Variants in PPP3CB observed in about 807,000 individuals in gnomAD.
PPP3CB encodes serine/threonine-protein phosphatase 2B catalytic subunit beta isoform.
A neutral mutation model predicts 66.4 loss-of-function variants in PPP3CB; 8 were observed. That is an observed-to-expected ratio of 0.12 (90% confidence interval 0.07 to 0.22). The LOEUF (loss-of-function observed/expected upper bound fraction) is 0.22. PPP3CB is among the 10% of genes least tolerant of loss of function. The probability of loss-of-function intolerance (pLI) is 1.00; values close to 1 mark genes in which losing one functional copy is unlikely to be tolerated. For missense variants in PPP3CB, 319 were observed against 642.5 expected, an observed-to-expected ratio of 0.50 and a Z score of 5.44; for synonymous variants, 208 against 221.2, an observed-to-expected ratio of 0.94 and a Z score of 0.53.
In PPP3CB at chr10:73,479,367, G is replaced by A. The variant is rs1012003058; in HGVS notation, c.236C>T (p.Ala79Val). Residue 79 changes from alanine to valine, a missense_variant, in exon 2 of 14, where the codon GCC becomes GTC. This residue lies in a region of PPP3CB where 104 missense variants were observed against 128.4 expected (regional missense o/e 0.81). Transcript: ENST00000360663. Reference protein sequence around the residue: ...IALRIINEGAAILRREKTMIE... With the variant: ...IALRIINEGAVILRREKTMIE... Reference sequence around the variant, plus strand: ...CATGGTTTTCTCTCTCCGAAGGATGGCAGCACCCTCATTGATAATTCTAAG... The same window carrying A: ...CATGGTTTTCTCTCTCCGAAGGATGACAGCACCCTCATTGATAATTCTAAG... 6.2e-7 allele frequency: 1 copy of A among 1,614,062 alleles called. No homozygotes were observed. The highest frequency in any genetic ancestry group is 8.5e-7 in the Non-Finnish European group (1 of 1,179,992).
chr10:73,454,547 A>G (rs2056393673), intron 9 of PPP3CB, 58 bp from the exon 10 acceptor site: 2 of 1,110,994 alleles, frequency 1.8e-6, no homozygotes, highest in East Asian at 2.5e-5. Context: ...CTATACATAC[A>G]CATAGCAACT....
intron 1 of PPP3CB, among the ~76,000 whole-genome samples, chr10:73,488,962 C>A (rs1469688420): frequency 1.3e-5 from 2 of 152,142 alleles, no homozygotes. Flanking sequence ...AATTAACCTA[C>A]TCAAAAACTT....
chr10:73,488,578 A>G (rs974526406), intron 1 of PPP3CB, among the ~76,000 whole-genome samples: 3 of 151,164 alleles, frequency 2.0e-5, no homozygotes, highest in African/African-American at 7.3e-5. Flanking sequence ...AAAAAGCCTC[A>G]TCATGAAGAA....
chr10:73,438,366 C>T lies in PPP3CB; in HGVS notation c.1451G>A (p.Gly484Asp). ...HRICSFEEAK[G>D]LDRINERMPP... ...CATTCTCTCATTGATCCTATCCAAA[C>T]CCTTTGCCTCTTCAAAACTGCAGAT... The change falls in exon 14 of 14, where the codon GGT (glycine) becomes GAT (aspartate). Residue 484 changes from glycine to aspartate, a missense_variant. This residue lies in a region of PPP3CB where 120 missense variants were observed against 331.2 expected (regional missense o/e 0.36). Transcript: ENST00000360663. 1 of 1,613,742 alleles carries T rather than the reference C, an allele frequency of 6.2e-7. No homozygotes were observed. Among genetic ancestry groups the T allele is most frequent in the Non-Finnish European group, 8.5e-7 (1 of 1,179,634 alleles).
chr10:73,486,134 C>T (rs2056972308), intron 1 of PPP3CB, among the ~76,000 whole-genome samples: 1 of 149,394 alleles, frequency 6.7e-6, no homozygotes, highest in African/African-American at 2.5e-5. Context: ...TTAGTAGAGA[C>T]GGGGTTTCAC....
chr10:73,476,081 G>A (rs553733257), intron 3 of PPP3CB, among the ~76,000 whole-genome samples: 4 of 148,788 alleles, frequency 2.7e-5, no homozygotes, highest in Non-Finnish European at 3.0e-5. Context: ...GGCTGGTCTC[G>A]AACTCCCAGG....
At chr10:73,465,975 AG>A (rs1179719018) in intron 9 of PPP3CB, among the ~76,000 whole-genome samples, 1 of 152,230 alleles carries the variant, frequency 6.6e-6, no homozygotes, top group Non-Finnish European at 1.5e-5. Flanking sequence ...ATGGTCAAAA[AG>A]TTTGAATATT....
At chr10:73,473,264 C>T (rs190414160) in intron 4 of PPP3CB, among the ~76,000 whole-genome samples, 1,668 of 152,240 alleles carry the variant, frequency 0.011, 25 homozygotes, top group Non-Finnish European at 0.016. Context: ...TTAGTATGAC[C>T]TTTATTGGAT....
At chr10:73,495,094 G>A (rs1176178391) in intron 1 of PPP3CB, among the ~76,000 whole-genome samples, 7 of 152,150 alleles carry the variant, frequency 4.6e-5, no homozygotes, top group Admixed American at 4.6e-4. Context: ...TGTAAGGGAG[G>A]GGTAACTCCT....
chr10:73,443,266 G>GAGAAAGAAAGAAAGAC (rs1564546960), intron 12 of PPP3CB, among the ~76,000 whole-genome samples: 42 of 64,512 alleles, frequency 6.5e-4, no homozygotes, highest in Non-Finnish European at 1.1e-3. Flanking sequence ...GAGAGAGAGA[G>GAGAAAGAAAGAAAGAC]AGAAAGAAAG....
chr10:73,480,401 A>G (rs2056854289), intron 1 of PPP3CB, among the ~76,000 whole-genome samples: 2 of 151,144 alleles, frequency 1.3e-5, no homozygotes, highest in African/African-American at 4.9e-5. Flanking sequence ...CACTTTTTGC[A>G]TATGTGTAAA....
At chr10:73,456,965 T>A (rs1290768192) in intron 9 of PPP3CB, among the ~76,000 whole-genome samples, 1 of 152,166 alleles carries the variant, frequency 6.6e-6, no homozygotes, top group East Asian at 1.9e-4. Context: ...TTCTGATGGT[T>A]ACACAACTCT....
At chr10:73,447,415 C>A (rs1422634787) in intron 10 of PPP3CB, among the ~76,000 whole-genome samples, 1 of 152,166 alleles carries the variant, frequency 6.6e-6, no homozygotes, top group East Asian at 1.9e-4. Context: ...AGAACAACAT[C>A]AATCTCAGTC....
intron 1 of PPP3CB, among the ~76,000 whole-genome samples, chr10:73,488,141 G>T (rs534239432): frequency 6.6e-6 from 1 of 152,276 alleles, no homozygotes; most frequent in South Asian, 2.1e-4. Flanking sequence ...GGTTTCACTA[G>T]TAAGAAGTAG....
At chr10:73,459,932 T>C (rs2056493745) in intron 9 of PPP3CB, among the ~76,000 whole-genome samples, 1 of 152,186 alleles carries the variant, frequency 6.6e-6, no homozygotes, top group South Asian at 2.1e-4. Context: ...AATTGTACAA[T>C]TTAAATAGGT....
intron 10 of PPP3CB, among the ~76,000 whole-genome samples, chr10:73,453,687 A>G (rs765454408): frequency 6.6e-6 from 1 of 152,242 alleles, no homozygotes; most frequent in Non-Finnish European, 1.5e-5. Flanking sequence ...ATACTACAAC[A>G]AAGATATGAG....
At chr10:73,450,709 A>G (rs1480051499) in intron 10 of PPP3CB, among the ~76,000 whole-genome samples, 2 of 152,216 alleles carry the variant, frequency 1.3e-5, no homozygotes, top group South Asian at 2.1e-4. Flanking sequence ...GGTGCTTAAC[A>G]ATTTTTAAAA....
At chr10:73,475,597 T>C (rs932842885) in intron 3 of PPP3CB, among the ~76,000 whole-genome samples, 1 of 152,208 alleles carries the variant, frequency 6.6e-6, no homozygotes, top group Non-Finnish European at 1.5e-5. Context: ...ATGCTGCCCA[T>C]GAAGGGAAGG....
At chr10:73,444,689 C>T in intron 12 of PPP3CB, 36 bp downstream of exon 12, 1 of 1,613,564 alleles carries the variant, frequency 6.2e-7, no homozygotes, top group Admixed American at 1.7e-5. Context: ...GTGCCCCAGT[C>T]CATCTGAGGC....
Sources: allele counts gnomAD v4.1 joint callset (sites outside exome capture counted in the v4.1 genomes callset), GRCh38; gene constraint gnomAD v4.1.1; regional missense constraint gnomAD v4.1.1; transcripts MANE v1.5; gene names NCBI Gene and HGNC (gene_info 2026-07-23, HGNC 2026-07-21).